Variants in ADAD1 observed in about 807,000 individuals in gnomAD.
The protein encoded by ADAD1 is adenosine deaminase domain containing 1, also known as adenosine deaminase domain-containing protein 1.
A neutral mutation model predicts 66.8 loss-of-function variants in ADAD1; 46 were observed. That is an observed-to-expected ratio of 0.69 (90% CI 0.54 to 0.88). The LOEUF (loss-of-function observed/expected upper bound fraction) is 0.88, where lower values mean the gene tolerates loss of function less well. ADAD1 is among the 40% of genes least tolerant of loss of function. ADAD1 has a pLI of 0.00. For synonymous variants in ADAD1, 248 were observed against 229.4 expected (o/e 1.08, Z -0.73); for missense variants, 617 against 681.8 (o/e 0.91, Z 1.06).
chr4:122,388,648 A>G (rs1396321112), intron 5 of ADAD1, among the ~76,000 whole-genome samples: 1 of 151,978 alleles, frequency 6.6e-6, no homozygotes, highest in Non-Finnish European at 1.5e-5. Flanking sequence ...TTTCTAGTTT[A>G]TTTGTGTAGA....
chr4:122,415,257 A>C lies in ADAD1; in HGVS notation c.1250-122A>C. ...GATGCTAAGAGAATAGAACTAGGAA[A>C]GGGAAGGTTGAAAGATAAAGGATAG... On this transcript the variant is annotated intron_variant, in intron 10 of 12. Transcript: ENST00000296513. 3 of 711,258 alleles carry C rather than the reference A, an allele frequency of 4.2e-6. No individual in the cohort carries two copies. The Admixed American group carries it at 8.8e-5, about 21-fold the overall frequency. The allele number at this position is 711,258 out of a possible 1,614,324, so 44.1% of individuals were successfully genotyped here. A position where few individuals can be genotyped will look rare whatever the true frequency, so the allele number is the denominator to read the frequency against.
At chr4:122,408,701 A>AT (rs150537091) in intron 8 of ADAD1, among the ~76,000 whole-genome samples, 5,864 of 152,200 alleles carry the variant, frequency 0.039, 364 homozygotes, top group African/African-American at 0.13. Context: ...CCTGGGCAAC[A>AT]TTGTGGGACC....
intron 12 of ADAD1, among the ~76,000 whole-genome samples, chr4:122,427,660 G>A (rs550966686): frequency 6.2e-5 from 9 of 145,040 alleles, no homozygotes; most frequent in Non-Finnish European, 1.0e-4. Context: ...TCAGCCTCCC[G>A]AGTAGCTGGC....
chr4:122,386,564 C>A (rs947521513), intron 5 of ADAD1, among the ~76,000 whole-genome samples: 5 of 152,090 alleles, frequency 3.3e-5, no homozygotes, highest in African/African-American at 4.8e-5. Context: ...TCAATTTTGG[C>A]TTTTGTTGCA....
chr4:122,427,548 T>TA (rs1553926029), intron 12 of ADAD1, among the ~76,000 whole-genome samples: 1 of 145,598 alleles, frequency 6.9e-6, no homozygotes, highest in Admixed American at 6.9e-5. Context: ...TTTTTTTTTT[T>TA]TCCTGATGCG....
At chr4:122,408,963 A>G (rs1796351173) in intron 8 of ADAD1, among the ~76,000 whole-genome samples, 1 of 152,152 alleles carries the variant, frequency 6.6e-6, no homozygotes, top group Admixed American at 6.5e-5. Flanking sequence ...TGGAAAGTGT[A>G]GCTTTTGACC....
intron 7 of ADAD1, among the ~76,000 whole-genome samples, chr4:122,399,740 C>CTTTTTTT (rs145100591): frequency 3.6e-5 from 4 of 110,530 alleles, no homozygotes; most frequent in African/African-American, 1.4e-4. Context: ...ATTTTCTTTT[C>CTTTTTTT]TTTTTTTTTT....
At chr4:122,399,743 T>TC (rs1795884002) in intron 7 of ADAD1, among the ~76,000 whole-genome samples, 1 of 148,454 alleles carries the variant, frequency 6.7e-6, no homozygotes, top group African/African-American at 2.4e-5. Context: ...TTCTTTTCTT[T>TC]TTTTTTTTTT....
chr4:122,423,435 G>T (rs1480713173), intron 12 of ADAD1, among the ~76,000 whole-genome samples: 1 of 152,190 alleles, frequency 6.6e-6, no homozygotes, highest in Non-Finnish European at 1.5e-5. Flanking sequence ...ATACCCAAGA[G>T]AGCCCATCAA....
intron 7 of ADAD1, among the ~76,000 whole-genome samples, chr4:122,405,785 C>T (rs920155079): frequency 2.6e-5 from 4 of 152,118 alleles, no homozygotes; most frequent in African/African-American, 4.8e-5. Flanking sequence ...TCTGTTTTTA[C>T]GAGTTCAACC....
intron 7 of ADAD1, among the ~76,000 whole-genome samples, chr4:122,397,076 A>G (rs1195623288): frequency 6.6e-6 from 1 of 152,206 alleles, no homozygotes; most frequent in Non-Finnish European, 1.5e-5. Context: ...TTGGATAAAT[A>G]GAAGAAAGGA....
chr4:122,385,547 A>G (rs1426721439), intron 5 of ADAD1, among the ~76,000 whole-genome samples: 1 of 152,246 alleles, frequency 6.6e-6, no homozygotes, highest in Non-Finnish European at 1.5e-5. Context: ...TGCTGGGATT[A>G]TAGGCATGAG....
At chr4:122,404,621 T>C (rs1796125513) in intron 7 of ADAD1, among the ~76,000 whole-genome samples, 1 of 152,188 alleles carries the variant, frequency 6.6e-6, no homozygotes, top group African/African-American at 2.4e-5. Flanking sequence ...CTGCAGTGGT[T>C]CTTGGAGTAA....
intron 5 of ADAD1, among the ~76,000 whole-genome samples, chr4:122,391,363 C>T (rs1011880700): frequency 4.6e-5 from 7 of 152,186 alleles, no homozygotes; most frequent in African/African-American, 1.4e-4. Flanking sequence ...GAGCAGGACC[C>T]GCTTAACAAG....
chr4:122,414,559 C>A lies in ADAD1; in HGVS notation c.1250-820C>A, dbSNP rs111682910. Reference sequence around the variant, plus strand: ...GTACATGTCCTTTTTACATCATTTTCTAGTGCCCAGATAGTCATAATGCAG... The same window carrying A: ...GTACATGTCCTTTTTACATCATTTTATAGTGCCCAGATAGTCATAATGCAG... On this transcript the variant is annotated intron_variant, in intron 10 of 12. Transcript: ENST00000296513. Among the ~76,000 whole-genome samples the A allele has an allele frequency of 3.8e-3, 574 of 152,126 alleles. 4 individuals are homozygous for A. The highest frequency in any genetic ancestry group is 0.013 in the African/African-American group (539 of 41,524).
chr4:122,400,409 A>AT (rs1795918665), intron 7 of ADAD1, among the ~76,000 whole-genome samples: 1 of 151,850 alleles, frequency 6.6e-6, no homozygotes, highest in African/African-American at 2.4e-5. Flanking sequence ...GTTAGCTAGT[A>AT]TTTTTGTTGA....
At chr4:122,402,531 A>T (rs1015957934) in intron 7 of ADAD1, among the ~76,000 whole-genome samples, 3 of 151,972 alleles carry the variant, frequency 2.0e-5, no homozygotes, top group African/African-American at 7.2e-5. Flanking sequence ...TTATATTTGG[A>T]TGTCTACATC....
intron 9 of ADAD1, among the ~76,000 whole-genome samples, chr4:122,412,257 T>G (rs897454157): frequency 1.8e-4 from 28 of 152,286 alleles, no homozygotes; most frequent in African/African-American, 6.0e-4. Flanking sequence ...TTTAAAAAAT[T>G]TTCATACAGA....
At chr4:122,404,943 C>T (rs946766176) in intron 7 of ADAD1, among the ~76,000 whole-genome samples, 1 of 152,110 alleles carries the variant, frequency 6.6e-6, no homozygotes, top group African/African-American at 2.4e-5. Context: ...TTTTGGTTAA[C>T]TCTTCTTTTT....
Sources: gnomAD v4.1 joint callset for allele counts (sites outside exome capture counted in the v4.1 genomes callset) on GRCh38, gnomAD v4.1.1 for gene constraint, MANE v1.5 for transcripts, NCBI Gene and HGNC (gene_info 2026-07-23, HGNC 2026-07-21) for gene names.